DENND1A: variants seen among roughly 807,000 people sequenced by gnomAD.
The protein encoded by DENND1A is DENN domain-containing protein 1A.
Under a neutral mutation model 113.7 loss-of-function variants are expected in DENND1A, and 51 were observed. That is an observed-to-expected ratio of 0.45 (90% CI 0.36 to 0.57). The LOEUF (loss-of-function observed/expected upper bound fraction) is 0.57, where lower values mean the gene tolerates loss of function less well. Among genes scored for constraint, DENND1A ranks in the 20% least tolerant of loss-of-function variants. The pLI is 0.00. For synonymous variants in DENND1A, 565 were observed against 570.8 expected, an observed-to-expected ratio of 0.99 and a Z score of 0.14; for missense variants, 1,258 against 1,395.9, an observed-to-expected ratio of 0.90 and a Z score of 1.57.
At chr9:123,424,382 T>C (rs1005503066) in intron 19 of DENND1A, among the ~76,000 whole-genome samples, 1 of 152,208 alleles carries the variant, frequency 6.6e-6, no homozygotes, top group Non-Finnish European at 1.5e-5. Context: ...GACATCCGGC[T>C]GCCCGCCAAG....
At chr9:123,627,426 C>T (rs1267150303) in intron 10 of DENND1A, among the ~76,000 whole-genome samples, 2 of 152,176 alleles carry the variant, frequency 1.3e-5, no homozygotes, top group South Asian at 2.1e-4. Context: ...TGGCCAGCAT[C>T]GGGAAACATC....
At chr9:123,670,757 A>G (rs2063725965) in intron 7 of DENND1A, among the ~76,000 whole-genome samples, 1 of 152,254 alleles carries the variant, frequency 6.6e-6, no homozygotes. Flanking sequence ...CAAAGTGTGC[A>G]AGATGCTTCG....
At chr9:123,818,519 T>TACACACACACAC (rs1215014185) in intron 2 of DENND1A, among the ~76,000 whole-genome samples, 1 of 112,242 alleles carries the variant, frequency 8.9e-6, no homozygotes, top group Non-Finnish European at 1.7e-5. Flanking sequence ...TACATACATA[T>TACACACACACAC]ACACACACAC....
chr9:123,871,786 G>A (rs545241122), intron 2 of DENND1A, among the ~76,000 whole-genome samples: 10 of 149,978 alleles, frequency 6.7e-5, no homozygotes, highest in African/African-American at 2.4e-4. Context: ...AATGCTGGGG[G>A]TTGGGGTAGG....
chr9:123,737,576 C>T (rs990268346), intron 5 of DENND1A, among the ~76,000 whole-genome samples: 14 of 152,112 alleles, frequency 9.2e-5, no homozygotes, highest in African/African-American at 1.9e-4. Flanking sequence ...TTGGAAAAAA[C>T]GTAGCAGAAG....
chr9:123,869,759 G>T (rs1325457191), intron 2 of DENND1A, among the ~76,000 whole-genome samples: 1 of 152,120 alleles, frequency 6.6e-6, no homozygotes, highest in Non-Finnish European at 1.5e-5. Flanking sequence ...CCAACACTTT[G>T]GGAGGCTGAG....
intron 5 of DENND1A, among the ~76,000 whole-genome samples, chr9:123,743,355 C>T (rs1180802823): frequency 6.6e-6 from 1 of 151,498 alleles, no homozygotes; most frequent in Non-Finnish European, 1.5e-5. Flanking sequence ...GAGCCGAGAT[C>T]GTGCCACTGC....
intron 5 of DENND1A, among the ~76,000 whole-genome samples, chr9:123,709,297 G>C (rs2066431465): frequency 6.6e-6 from 1 of 152,156 alleles, no homozygotes. Context: ...CAGTGCCCCA[G>C]TTTCTAGGTG....
chr9:123,450,639 G>T, intron 18 of DENND1A, 54 bp downstream of exon 18: 1 of 1,435,500 alleles, frequency 7.0e-7, no homozygotes, highest in Non-Finnish European at 9.7e-7. Flanking sequence ...ACTTTTTTGT[G>T]GCCATGCATT....
At chr9:123,734,481 A>G (rs1221900902) in intron 5 of DENND1A, among the ~76,000 whole-genome samples, 1 of 152,170 alleles carries the variant, frequency 6.6e-6, no homozygotes, top group East Asian at 1.9e-4. Flanking sequence ...GCAGTGGAGT[A>G]TAGGACACCT....
chr9:123,497,419 G>T (rs750667947), intron 13 of DENND1A, among the ~76,000 whole-genome samples: 71 of 152,168 alleles, frequency 4.7e-4, no homozygotes, highest in Non-Finnish European at 9.1e-4. Context: ...CTGGGCTCAA[G>T]GGATCCTCTC....
chr9:123,490,731 T>C (rs1274905475), intron 13 of DENND1A, among the ~76,000 whole-genome samples: 1 of 152,194 alleles, frequency 6.6e-6, no homozygotes, highest in African/African-American at 2.4e-5. Flanking sequence ...ATACAATATA[T>C]GCTATAATTT....
chr9:123,675,039 A>G (rs1330624201), intron 6 of DENND1A, among the ~76,000 whole-genome samples: 1 of 152,042 alleles, frequency 6.6e-6, no homozygotes, highest in Non-Finnish European at 1.5e-5. Context: ...TGACCTCCTA[A>G]CTCATTCATC....
At chr9:123,465,237 C>CTG (rs2048847250) in intron 13 of DENND1A, among the ~76,000 whole-genome samples, 2 of 149,350 alleles carry the variant, frequency 1.3e-5, no homozygotes, top group South Asian at 4.2e-4. Context: ...AGAATCCTGT[C>CTG]TAGTTCAGGG....
At chr9:123,540,958 T>C (rs935100810) in intron 13 of DENND1A, among the ~76,000 whole-genome samples, 2 of 152,220 alleles carry the variant, frequency 1.3e-5, no homozygotes, top group Non-Finnish European at 2.9e-5. Flanking sequence ...CTCTTTCTTC[T>C]TGGCACCTAC....
At chr9:123,587,929 T>C (rs1174332454) in intron 11 of DENND1A, among the ~76,000 whole-genome samples, 8 of 152,184 alleles carry the variant, frequency 5.3e-5, no homozygotes, top group Non-Finnish European at 1.0e-4. Flanking sequence ...CACACAGTTA[T>C]ATCAACATGC....
At chr9:123,420,801 C>T (rs1464923533) in intron 19 of DENND1A, among the ~76,000 whole-genome samples, 11 of 139,788 alleles carry the variant, frequency 7.9e-5, no homozygotes, top group Non-Finnish European at 4.6e-5. Context: ...AGCGAGGCAG[C>T]TGTGAGGGAA....
intron 5 of DENND1A, among the ~76,000 whole-genome samples, chr9:123,728,385 G>A (rs2067869228): frequency 6.8e-6 from 1 of 146,416 alleles, no homozygotes; most frequent in East Asian, 2.1e-4. Flanking sequence ...GCTGAGGCAG[G>A]AGAACTGCTT....
intron 3 of DENND1A, among the ~76,000 whole-genome samples, chr9:123,781,931 G>A (rs930947358): frequency 3.3e-5 from 5 of 152,002 alleles, no homozygotes; most frequent in South Asian, 2.1e-4. Context: ...TTAGCCAGGC[G>A]TGGTGACACA....
Sources: gnomAD v4.1 joint callset for allele counts (sites outside exome capture counted in the v4.1 genomes callset) on GRCh38, gnomAD v4.1.1 for gene constraint, MANE v1.5 for transcripts, NCBI Gene and HGNC (gene_info 2026-07-23, HGNC 2026-07-21) for gene names.